Variants in CNTNAP2 observed in about 807,000 individuals in gnomAD.
CNTNAP2 encodes the protein contactin-associated protein-like 2.
A neutral mutation model predicts 155.2 loss-of-function variants in CNTNAP2; 98 were observed. The ratio of observed to expected loss-of-function variants is 0.63; its 90% CI spans 0.54 to 0.75. The LOEUF is 0.75. Ranked by LOEUF, CNTNAP2 falls within the 30% of genes least tolerant of loss-of-function variation. The pLI, the probability that CNTNAP2 is intolerant of heterozygous loss-of-function variation, is 0.00. For missense variants in CNTNAP2, 1,727 were observed against 1,688.1 expected (o/e 1.02, Z -0.40); for synonymous variants, 651 against 631.2 (o/e 1.03, Z -0.47).
At position 146,842,896 on chromosome 7, in the gene CNTNAP2, A is replaced by G. The variant is rs554515283; in HGVS notation, c.402+2992A>G. Among the ~76,000 whole-genome samples the G allele has an allele frequency of 4.6e-4, 67 of 147,078 alleles. No homozygotes were observed. In the South Asian group the frequency reaches 0.014, roughly 30 times the overall value. On this transcript the variant is annotated intron_variant, in intron 3 of 23. Transcript: ENST00000361727. ...GAGACGGGGTTTCACCGAGTTAGCC[A>G]GGATGGTCTCCATCTCCTGACCTTG...
At chr7:146,782,393 C>T (rs866711783) in intron 2 of CNTNAP2, 1 of 152,210 alleles carries the variant, frequency 6.6e-6, no homozygotes, top group African/African-American at 2.4e-5. Flanking sequence ...ATTGGCTCTC[C>T]TGGAAACACC....
At chr7:146,315,475 T>G (rs995411169) in intron 1 of CNTNAP2, among the ~76,000 whole-genome samples, 1 of 152,116 alleles carries the variant, frequency 6.6e-6, no homozygotes, top group African/African-American at 2.4e-5. Context: ...CTTTTTCTAC[T>G]CATTTGGGTG....
chr7:148,386,703 AG>A (rs1050168634), intron 22 of CNTNAP2, among the ~76,000 whole-genome samples: 1 of 151,980 alleles, frequency 6.6e-6, no homozygotes, highest in Non-Finnish European at 1.5e-5. Context: ...AGTGTCAGGG[AG>A]GAAAAACTTT....
intron 1 of CNTNAP2, among the ~76,000 whole-genome samples, chr7:146,725,183 G>A (rs1400588221): frequency 6.6e-6 from 1 of 150,654 alleles, no homozygotes; most frequent in African/African-American, 2.5e-5. Flanking sequence ...CTTCTTACAA[G>A]GACACTGGTC....
chr7:147,555,903 A>T (rs1371797091), intron 11 of CNTNAP2, among the ~76,000 whole-genome samples: 2 of 152,154 alleles, frequency 1.3e-5, no homozygotes, highest in Non-Finnish European at 2.9e-5. Flanking sequence ...CCCCTACCCT[A>T]TCCATTCTTT....
chr7:147,913,716 C>A (rs1800109020), intron 14 of CNTNAP2, among the ~76,000 whole-genome samples: 1 of 152,160 alleles, frequency 6.6e-6, no homozygotes, highest in African/African-American at 2.4e-5. Context: ...GTTCCTCCTC[C>A]AACACTCAGC....
intron 15 of CNTNAP2, among the ~76,000 whole-genome samples, chr7:148,049,409 A>G (rs1490096030): frequency 1.3e-5 from 2 of 150,956 alleles, no homozygotes; most frequent in African/African-American, 2.4e-5. Context: ...AATTCTAGAT[A>G]TACACTCCTG....
chr7:147,022,551 A>G (rs1798834710), intron 3 of CNTNAP2, among the ~76,000 whole-genome samples: 1 of 151,838 alleles, frequency 6.6e-6, no homozygotes, highest in South Asian at 2.1e-4. Context: ...GTGTTTATGT[A>G]CTATACATAT....
intron 6 of CNTNAP2, among the ~76,000 whole-genome samples, chr7:147,126,160 A>C (rs1801230041): frequency 6.6e-6 from 1 of 152,166 alleles, no homozygotes; most frequent in Admixed American, 6.5e-5. Flanking sequence ...TTGACTGGGG[A>C]GCAATGTGCC....
chr7:148,360,816 C>T (rs865855262), intron 21 of CNTNAP2, among the ~76,000 whole-genome samples: 3,013 of 126,758 alleles, frequency 0.024, 90 homozygotes, highest in African/African-American at 0.079. Context: ...TTTTCTTTTT[C>T]TTTTTTTTTT....
chr7:147,646,966 G>A (rs1460772690), intron 13 of CNTNAP2, among the ~76,000 whole-genome samples: 1 of 151,634 alleles, frequency 6.6e-6, no homozygotes. Flanking sequence ...GTTTGTGGAT[G>A]GAATGTTATT....
intron 9 of CNTNAP2, among the ~76,000 whole-genome samples, chr7:147,362,665 G>A (rs1343713244): frequency 6.6e-6 from 1 of 152,084 alleles, no homozygotes; most frequent in Non-Finnish European, 1.5e-5. Flanking sequence ...AACTATTACA[G>A]TAGTTGCTGA....
intron 4 of CNTNAP2, among the ~76,000 whole-genome samples, chr7:147,049,414 T>G (rs2129257905): frequency 6.6e-6 from 1 of 152,344 alleles, no homozygotes; most frequent in Non-Finnish European, 1.5e-5. Context: ...GTAAATTTTC[T>G]ATACTAGAGT....
At chr7:147,864,970 A>G (rs1314466131) in intron 13 of CNTNAP2, among the ~76,000 whole-genome samples, 1 of 152,210 alleles carries the variant, frequency 6.6e-6, no homozygotes, top group East Asian at 1.9e-4. Context: ...TATGTTGAAT[A>G]GGAGTGATGA....
intron 18 of CNTNAP2, among the ~76,000 whole-genome samples, chr7:148,186,433 G>T (rs1462867061): frequency 4.6e-5 from 7 of 152,058 alleles, no homozygotes; most frequent in Non-Finnish European, 8.8e-5. Context: ...CAAGCCTAGT[G>T]TTTTTTCCAC....
At chr7:146,202,396 A>T (rs1368584719) in intron 1 of CNTNAP2, among the ~76,000 whole-genome samples, 3 of 152,178 alleles carry the variant, frequency 2.0e-5, no homozygotes, top group Admixed American at 6.5e-5. Context: ...AATTTCTCAG[A>T]TTTAGTTGTA....
intron 22 of CNTNAP2, among the ~76,000 whole-genome samples, chr7:148,387,460 T>G (rs1390349846): frequency 1.3e-5 from 2 of 152,058 alleles, no homozygotes. Flanking sequence ...GGAAAGAAAA[T>G]AACATGAGAG....
chr7:147,919,268 GATAAT>G (rs1303492206), intron 14 of CNTNAP2, among the ~76,000 whole-genome samples: 4 of 151,660 alleles, frequency 2.6e-5, no homozygotes, highest in Non-Finnish European at 4.4e-5. Flanking sequence ...AGAACCATAA[GATAAT>G]ATGTTTGTCA....
At chr7:146,961,079 T>A (rs1408829912) in intron 3 of CNTNAP2, among the ~76,000 whole-genome samples, 1 of 152,198 alleles carries the variant, frequency 6.6e-6, no homozygotes, top group Non-Finnish European at 1.5e-5. Context: ...GAGAAATTAA[T>A]CCTTGAGGGA....
Sources: gnomAD v4.1 joint callset for allele counts (sites outside exome capture counted in the v4.1 genomes callset) on GRCh38, gnomAD v4.1.1 for gene constraint, MANE v1.5 for transcripts, NCBI Gene and HGNC (gene_info 2026-07-23, HGNC 2026-07-21) for gene names.